Variants in FGF13 observed in about 807,000 individuals in gnomAD.
The protein encoded by FGF13 is fibroblast growth factor homologous factor 2.
FGF13 carries 2 observed loss-of-function variants against 19.5 expected under a neutral mutation model. That is an observed-to-expected ratio of 0.10 (90% CI 0.04 to 0.32). The LOEUF is 0.32. Ranked by LOEUF, FGF13 falls within the 10% of genes least tolerant of loss-of-function variation. The pLI is 1.00. For missense variants in FGF13, 113 were observed against 192.7 expected (o/e 0.59, Z 2.45); for synonymous variants, 72 against 76.9 (o/e 0.94, Z 0.33).
At chrX:139,147,483 G>C (rs184449137) in intron 1 of FGF13, among the ~76,000 whole-genome samples, 1 of 111,937 alleles carries the variant, frequency 8.9e-6, no homozygotes, top group East Asian at 2.8e-4. Context: ...TCCTCAGTAA[G>C]ACCTTCAGAC....
At chrX:138,693,551 C>T (rs2089860694) in intron 3 of FGF13, among the ~76,000 whole-genome samples, 1 of 111,558 alleles carries the variant, frequency 9.0e-6, no homozygotes, top group Non-Finnish European at 1.9e-5. Flanking sequence ...TTAGTGTGAA[C>T]TGAAAACATT....
At chrX:138,779,381 A>C (rs1282521420) in intron 3 of FGF13, among the ~76,000 whole-genome samples, 1 of 111,681 alleles carries the variant, frequency 9.0e-6, no homozygotes, top group Non-Finnish European at 1.9e-5. Flanking sequence ...TACGGAGGAT[A>C]TTCAAACCAA....
At chrX:138,835,279 G>C (rs777948396) in intron 3 of FGF13, among the ~76,000 whole-genome samples, 6 of 112,072 alleles carry the variant, frequency 5.4e-5, no homozygotes, top group Admixed American at 1.9e-4. Context: ...TATTGTGTGA[G>C]AGTCTAAGTC....
rs1335339339 is a variant in FGF13 at position 138,617,647 on chromosome X, G to C, written c.*15203C>G. 1.8e-5 allele frequency: 2 copies of C among 111,890 alleles called. No homozygotes were observed. Among genetic ancestry groups the C allele is most frequent in the Non-Finnish European group, 3.8e-5 (2 of 53,220 alleles). 9.2% of individuals were successfully genotyped at this position (111,890 alleles called of 1,213,427 possible). A position where few individuals can be genotyped will look rare whatever the true frequency, so the allele number is the denominator to read the frequency against. On this transcript the variant is annotated 3_prime_UTR_variant, in exon 5 of 5. Transcript: ENST00000315930. Reference sequence around the variant, plus strand: ...CATGTGTGTGAGAGAAAAAGAGAGTGAGAAGGGGATAGCTGGGCACAGTGA... The same window carrying C: ...CATGTGTGTGAGAGAAAAAGAGAGTCAGAAGGGGATAGCTGGGCACAGTGA...
At chrX:138,970,577 C>T (rs2091911727) in intron 1 of FGF13, among the ~76,000 whole-genome samples, 1 of 111,616 alleles carries the variant, frequency 9.0e-6, no homozygotes, top group South Asian at 3.8e-4. Context: ...TGCTTCTAGT[C>T]CAATTGTTTC....
chrX:138,659,868 T>C (rs1373830798), intron 3 of FGF13, among the ~76,000 whole-genome samples: 1 of 110,239 alleles, frequency 9.1e-6, no homozygotes, highest in African/African-American at 3.3e-5. Flanking sequence ...TGAGAACACA[T>C]GGACACAGGC....
chrX:138,791,281 G>A (rs2090740386), intron 3 of FGF13, among the ~76,000 whole-genome samples: 1 of 111,797 alleles, frequency 8.9e-6, no homozygotes, highest in African/African-American at 3.2e-5. Context: ...TCCACATTGT[G>A]GAGGGGGGTT....
At chrX:139,119,768 G>A (rs1292272020) in intron 1 of FGF13, among the ~76,000 whole-genome samples, 1 of 112,392 alleles carries the variant, frequency 8.9e-6, no homozygotes, top group African/African-American at 3.2e-5. Context: ...CCATAAAGCA[G>A]GCACTCTTTT....
intron 1 of FGF13, among the ~76,000 whole-genome samples, chrX:139,135,706 C>T (rs945615430): frequency 4.5e-5 from 5 of 111,126 alleles, no homozygotes; most frequent in African/African-American, 1.6e-4. Flanking sequence ...CAATGGGAGT[C>T]TTAGATGTTT....
chrX:139,078,271 C>T (rs142762760), intron 1 of FGF13, among the ~76,000 whole-genome samples: 1,118 of 109,658 alleles, frequency 0.01, 5 homozygotes, highest in Non-Finnish European at 0.016. Context: ...GCCCTCACTT[C>T]GCTGCAAATC....
chrX:138,763,003 T>C (rs1201077726), intron 3 of FGF13, among the ~76,000 whole-genome samples: 1 of 111,027 alleles, frequency 9.0e-6, no homozygotes, highest in Non-Finnish European at 1.9e-5. Context: ...GTCTTGTACA[T>C]AATTTCCAAA....
intron 3 of FGF13, among the ~76,000 whole-genome samples, chrX:138,676,637 C>T (rs960109542): frequency 5.4e-5 from 6 of 111,130 alleles, no homozygotes; most frequent in Non-Finnish European, 3.8e-5. Context: ...GTGAGGGTTT[C>T]GTGATGAAAC....
rs760387025 is a variant in FGF13, at chrX:138,807,687, T to C, written c.217+49825A>G. On this transcript the variant is annotated intron_variant, in intron 3 of 6. Transcript: ENST00000436198. ...AGTCAAGACCCATCAGTGTGCTGTA[T>C]TCAGGAGACCCATCTCATGTGCAGA... 6.3e-5 allele frequency among the ~76,000 whole-genome samples: 7 copies of C among 111,617 alleles called. No individual in the cohort carries two copies. In the South Asian group the frequency reaches 2.6e-3, roughly 42 times the overall value.
At chrX:138,790,230 A>G (rs2090732046) in intron 3 of FGF13, among the ~76,000 whole-genome samples, 1 of 106,379 alleles carries the variant, frequency 9.4e-6, no homozygotes, top group Non-Finnish European at 1.9e-5. Context: ...TTCCCATTGT[A>G]TCCTCACATG....
intron 1 of FGF13, among the ~76,000 whole-genome samples, chrX:139,100,471 A>AT (rs1457358837): frequency 9.1e-6 from 1 of 110,238 alleles, no homozygotes; most frequent in Non-Finnish European, 1.9e-5. Context: ...CTGACTATAA[A>AT]CAACACTAGG....
chrX:138,638,037 G>A (rs1410037299), intron 3 of FGF13, among the ~76,000 whole-genome samples: 1 of 110,927 alleles, frequency 9.0e-6, no homozygotes, highest in African/African-American at 3.3e-5. Flanking sequence ...CGTGATCCAT[G>A]ACCTTCACCT....
rs1335337778 is a variant in FGF13 at position 138,630,088 on chromosome X, G to A, written c.*2762C>T. The A allele has an allele frequency of 1.8e-5, 2 of 110,913 alleles. No individual in the cohort carries two copies. Among genetic ancestry groups the A allele is most frequent in the East Asian group, 5.7e-4 (2 of 3,522 alleles). 9.1% of individuals were successfully genotyped at this position (110,913 alleles called of 1,213,427 possible). ...TGTGAAAGTATTGATATCATCACTT[G>A]TAGGAAGGTTTGAGGACTATTTATT... On this transcript the variant is annotated 3_prime_UTR_variant, in exon 5 of 5. Coordinates refer to ENST00000315930, the MANE Select transcript of FGF13 (RefSeq NM_004114.5).
At chrX:138,834,589 CA>C (rs751904671) in intron 3 of FGF13, among the ~76,000 whole-genome samples, 3 of 98,998 alleles carry the variant, frequency 3.0e-5, no homozygotes, top group Non-Finnish European at 4.1e-5. Context: ...TATTTTTTTT[CA>C]AAAAAAAAAC....
At position 138,617,087 on chromosome X, in the gene FGF13, G is replaced by GATTA. The variant is rs2088975838; in HGVS notation, c.*15759_*15762dup. 1 of 111,804 alleles carries GATTA rather than the reference G, an allele frequency of 8.9e-6. No individual in the cohort carries two copies. Among genetic ancestry groups the GATTA allele is most frequent in the African/African-American group, 3.3e-5 (1 of 30,728 alleles). The allele number at this position is 111,804 out of a possible 1,213,427, so 9.2% of individuals were successfully genotyped here. A position where few individuals can be genotyped will look rare whatever the true frequency, so the allele number is the denominator to read the frequency against. On this transcript the variant is annotated 3_prime_UTR_variant, in exon 5 of 5. Transcript: ENST00000315930. ...GAGACATTCTCCCCATTGTTTTGGT[G>GATTA]ATTAATATTTGTAGTGATAGGAATA...
Sources: gnomAD v4.1 joint callset for allele counts (sites outside exome capture counted in the v4.1 genomes callset) on GRCh38, gnomAD v4.1.1 for gene constraint, MANE v1.5 for transcripts, NCBI Gene and HGNC (gene_info 2026-07-23, HGNC 2026-07-21) for gene names.